The following TMPRSS2 variants were observed in gnomAD, a reference collection of about 807,000 sequenced individuals.
TMPRSS2 encodes the protein transmembrane protease serine 2.
In TMPRSS2, 59 loss-of-function variants were observed where a neutral mutation model predicts 67.4. The ratio of observed to expected loss-of-function variants is 0.88; its 90% CI spans 0.71 to 1.09. The LOEUF (loss-of-function observed/expected upper bound fraction) is 1.09, where lower values mean the gene tolerates loss of function less well. Among genes scored for constraint, TMPRSS2 ranks in the 50% least tolerant of loss-of-function variants. The pLI is 0.00. For synonymous variants in TMPRSS2, 257 were observed against 257.0 expected (o/e 1.00, Z 0.00); for missense variants, 668 against 642.7 (o/e 1.04, Z -0.43).
chr21:41,469,353 C>T (rs2091111464), intron 11 of TMPRSS2, among the ~76,000 whole-genome samples: 1 of 152,100 alleles, frequency 6.6e-6, no homozygotes, highest in South Asian at 2.1e-4. Context: ...GGAACCACAG[C>T]AATGGACTTG....
chr21:41,466,514 C>T (rs767274879), intron 13 of TMPRSS2, among the ~76,000 whole-genome samples: 1 of 152,196 alleles, frequency 6.6e-6, no homozygotes, highest in African/African-American at 2.4e-5. Flanking sequence ...CATCCTGGTG[C>T]GAGTCCGCCC....
At position 41,508,150 on chromosome 21, in the gene TMPRSS2, C is replaced by T; in HGVS notation, c.-126G>A. 1.3e-6 allele frequency: 1 copy of T among 769,566 alleles called. No individual in the cohort carries two copies. The highest frequency in any genetic ancestry group is 1.8e-6 in the Non-Finnish European group (1 of 549,160). 47.7% of individuals were successfully genotyped at this position (769,566 alleles called of 1,614,324 possible). A position where few individuals can be genotyped will look rare whatever the true frequency, so the allele number is the denominator to read the frequency against. On this transcript the variant is annotated 5_prime_UTR_variant, in exon 1 of 14. Coordinates refer to ENST00000332149, the MANE Select transcript of TMPRSS2 (RefSeq NM_005656.4). ...CCGCCTCCGCCTCCTGCTTAGCTCG[C>T]GCCTACTCGGCCCGGCCCGCCCTGG...
In TMPRSS2 at chr21:41,467,684, T is replaced by A. The variant is rs940142498; in HGVS notation, c.1467+50A>T. Reference sequence around the variant, plus strand: ...AACCACGCCTAACAGATGTCTGGCTTTGGCTCGAGGAATCGGAGAACACAG... The same window carrying A: ...AACCACGCCTAACAGATGTCTGGCTATGGCTCGAGGAATCGGAGAACACAG... On this transcript the variant is annotated intron_variant, in intron 13 of 13. Transcript: ENST00000332149. The A allele has an allele frequency of 5.0e-6, 8 of 1,599,878 alleles. No homozygotes were observed. The Admixed American group carries it at 1.2e-4, about 24-fold the overall frequency.
chr21:41,487,915 C>T (rs953565785), intron 5 of TMPRSS2: 1 of 153,664 alleles, frequency 6.5e-6, no homozygotes, highest in African/African-American at 2.4e-5. Flanking sequence ...GCCTCAGCCT[C>T]CTGAATAGCT....
intron 1 of TMPRSS2, among the ~76,000 whole-genome samples, chr21:41,503,268 C>T (rs2091435979): frequency 6.6e-6 from 1 of 152,212 alleles, no homozygotes; most frequent in African/African-American, 2.4e-5. Flanking sequence ...AAGCTGAGTG[C>T]AACCTGGCAT....
intron 5 of TMPRSS2, among the ~76,000 whole-genome samples, chr21:41,485,042 G>A (rs1324430793): frequency 6.6e-6 from 1 of 151,572 alleles, no homozygotes; most frequent in Non-Finnish European, 1.5e-5. Flanking sequence ...CAAGAAATGT[G>A]ATTGGCTGGT....
At chr21:41,490,078 G>A (rs2091324544) in intron 3 of TMPRSS2, among the ~76,000 whole-genome samples, 1 of 149,782 alleles carries the variant, frequency 6.7e-6, no homozygotes, top group East Asian at 2.0e-4. Flanking sequence ...AACCCAGGAG[G>A]CAGAGGTTGC....
intron 1 of TMPRSS2, among the ~76,000 whole-genome samples, chr21:41,504,856 T>C (rs2091447110): frequency 6.6e-6 from 1 of 152,162 alleles, no homozygotes; most frequent in Non-Finnish European, 1.5e-5. Context: ...ATAATGCTCC[T>C]GCACCCCAAT....
chr21:41,494,742 G>A lies in TMPRSS2; in HGVS notation c.16-164C>T, dbSNP rs1428119954. 17 of 766,806 alleles carry A rather than the reference G, an allele frequency of 2.2e-5. No individual in the cohort carries two copies. In the East Asian group the frequency reaches 4.3e-4, roughly 19 times the overall value. 47.5% of individuals were successfully genotyped at this position (766,806 alleles called of 1,614,324 possible). A position where few individuals can be genotyped will look rare whatever the true frequency, so the allele number is the denominator to read the frequency against. On this transcript the variant is annotated intron_variant, in intron 2 of 13. Coordinates refer to ENST00000332149, the MANE Select transcript of TMPRSS2 (RefSeq NM_005656.4). ...GCATCCTGTCTATACAACTTGTACA[G>A]TTAGAGATTAATAAGAAAGTGACAA...
At chr21:41,483,710 C>T (rs1359826064) in intron 5 of TMPRSS2, among the ~76,000 whole-genome samples, 5 of 151,534 alleles carry the variant, frequency 3.3e-5, no homozygotes, top group Non-Finnish European at 7.4e-5. Flanking sequence ...GCTATCTGCA[C>T]CCGGAAGAGA....
At chr21:41,500,334 A>G (rs1205583410) in intron 1 of TMPRSS2, among the ~76,000 whole-genome samples, 1 of 152,224 alleles carries the variant, frequency 6.6e-6, no homozygotes, top group Non-Finnish European at 1.5e-5. Context: ...GCTGATAAAC[A>G]TTTAACAACC....
intron 1 of TMPRSS2, among the ~76,000 whole-genome samples, chr21:41,502,984 A>C (rs943749463): frequency 6.6e-6 from 1 of 152,188 alleles, no homozygotes; most frequent in Non-Finnish European, 1.5e-5. Flanking sequence ...TACCCCAAAA[A>C]CTATTGGGGA....
chr21:41,469,039 C>T (rs1311422145), intron 11 of TMPRSS2, among the ~76,000 whole-genome samples: 3 of 152,170 alleles, frequency 2.0e-5, no homozygotes, highest in Non-Finnish European at 4.4e-5. Context: ...TTCCCACTCT[C>T]GCTTTGCTGC....
intron 4 of TMPRSS2, 22 bp downstream of exon 4, chr21:41,489,485 G>A: frequency 6.2e-7 from 1 of 1,608,874 alleles, no homozygotes. Flanking sequence ...CACATGGTGG[G>A]ATCGAGGCTC....
intron 1 of TMPRSS2, among the ~76,000 whole-genome samples, chr21:41,505,786 C>T (rs542898542): frequency 4.6e-5 from 7 of 152,280 alleles, no homozygotes; most frequent in African/African-American, 1.7e-4. Flanking sequence ...GGAGGGAGAA[C>T]CCAGGGAAGG....
intron 1 of TMPRSS2, among the ~76,000 whole-genome samples, chr21:41,500,405 C>T (rs2146500365): frequency 6.6e-6 from 1 of 152,350 alleles, no homozygotes; most frequent in Non-Finnish European, 1.5e-5. Context: ...TATTCCCAGG[C>T]TACCAACATG....
chr21:41,467,733 C>A lies in TMPRSS2; in HGVS notation c.1467+1G>T. On this transcript the variant is annotated splice_donor_variant, in intron 13 of 13. Transcript: ENST00000332149. LOFTEE classifies it high-confidence loss of function. ...AGTCAGAAGGAGGACAGGATAGTTACCCTCATTTGTCGATAAATCCAGTCC... is the reference window on the plus strand; with the variant it reads ...AGTCAGAAGGAGGACAGGATAGTTAACCTCATTTGTCGATAAATCCAGTCC... 6.2e-7 allele frequency: 1 copy of A among 1,613,996 alleles called. No homozygotes were observed. The highest frequency in any genetic ancestry group is 8.5e-7 in the Non-Finnish European group (1 of 1,179,916).
intron 5 of TMPRSS2, among the ~76,000 whole-genome samples, chr21:41,483,722 G>C (rs556435793): frequency 6.6e-6 from 1 of 151,124 alleles, no homozygotes; most frequent in African/African-American, 2.4e-5. Flanking sequence ...CGGAAGAGAC[G>C]GCAGCTGATA....
At chr21:41,486,583 C>G (rs1045864234) in intron 5 of TMPRSS2, 2 of 152,232 alleles carry the variant, frequency 1.3e-5, no homozygotes, top group African/African-American at 4.8e-5. Context: ...CAGGCATGAG[C>G]CACTGCGTCC....
Sources: allele counts gnomAD v4.1 joint callset (sites outside exome capture counted in the v4.1 genomes callset), GRCh38; gene constraint gnomAD v4.1.1; transcripts MANE v1.5; gene names NCBI Gene and HGNC (gene_info 2026-07-23, HGNC 2026-07-21).